Variants in SYT7 observed in about 807,000 individuals in gnomAD.
SYT7 encodes synaptotagmin-7.
Under a neutral mutation model 75.1 loss-of-function variants are expected in SYT7, and 29 were observed. The ratio of observed to expected loss-of-function variants is 0.39; its 90% CI spans 0.29 to 0.53. The LOEUF is 0.53. Among genes scored for constraint, SYT7 ranks in the 20% least tolerant of loss-of-function variants. The pLI, the probability that SYT7 is intolerant of heterozygous loss-of-function variation, is 0.77. For missense variants in SYT7, 693 were observed against 953.2 expected, an observed-to-expected ratio of 0.73 and a Z score of 3.59; for synonymous variants, 376 against 401.7, an observed-to-expected ratio of 0.94 and a Z score of 0.76.
At chr11:61,557,702 G>A (rs953681307) in intron 1 of SYT7, among the ~76,000 whole-genome samples, 2 of 152,122 alleles carry the variant, frequency 1.3e-5, no homozygotes, top group African/African-American at 2.4e-5. Flanking sequence ...TCAACCCCCC[G>A]GAAGCCCCTG....
chr11:61,524,700 C>A lies in SYT7; in HGVS notation c.1472-168G>T. The A allele has an allele frequency of 1.7e-6, 1 of 578,260 alleles. No homozygotes were observed. The highest frequency in any genetic ancestry group is 3.0e-6 in the Non-Finnish European group (1 of 336,976). 35.8% of individuals were successfully genotyped at this position (578,260 alleles called of 1,614,324 possible). A position where few individuals can be genotyped will look rare whatever the true frequency, so the allele number is the denominator to read the frequency against. On this transcript the variant is annotated intron_variant, in intron 9 of 12. Transcript: ENST00000539008. The surrounding 1 kb of genome is among the most constrained non-coding windows in gnomAD (Gnocchi z 4.1). Reference sequence around the variant, plus strand: ...CAATTAGACCTTACTGAAGTGCTAGCAAGAACTGTCACCGTCTCATGGGAT... The same window carrying A: ...CAATTAGACCTTACTGAAGTGCTAGAAAGAACTGTCACCGTCTCATGGGAT...
In SYT7 at chr11:61,551,273, T is replaced by C; in HGVS notation, c.215+111A>G. ...GTGTAGAGAGCATGGCATCGGGGTG[T>C]GGGGGAAGTGAAAGTGTGTGGTCAG... On this transcript the variant is annotated intron_variant, in intron 3 of 12. Coordinates refer to ENST00000539008, the MANE Select transcript of SYT7 (RefSeq NM_001365809.2). This position sits in a 1 kb window ranked among gnomAD's most constrained non-coding sequence, Gnocchi z 5.3. 9.9e-7 allele frequency: 1 copy of C among 1,012,992 alleles called. No individual in the cohort carries two copies. The highest frequency in any genetic ancestry group is 2.4e-5 in the East Asian group (1 of 40,954). 62.8% of individuals were successfully genotyped at this position (1,012,992 alleles called of 1,614,324 possible). A position where few individuals can be genotyped will look rare whatever the true frequency, so the allele number is the denominator to read the frequency against.
intron 12 of SYT7, among the ~76,000 whole-genome samples, chr11:61,520,417 T>C (rs1261727285): frequency 1.3e-5 from 2 of 151,870 alleles, no homozygotes; most frequent in African/African-American, 4.8e-5. Flanking sequence ...TCCCAGCCAC[T>C]TGGGGACTGA....
In SYT7 at chr11:61,546,493, G is replaced by T; in HGVS notation, c.348-238C>A. The T allele has an allele frequency of 1.9e-6, 1 of 534,522 alleles. No individual in the cohort carries two copies. Among genetic ancestry groups the T allele is most frequent in the Non-Finnish European group, 3.4e-6 (1 of 294,984 alleles). 33.1% of individuals were successfully genotyped at this position (534,522 alleles called of 1,614,324 possible). A position where few individuals can be genotyped will look rare whatever the true frequency, so the allele number is the denominator to read the frequency against. On this transcript the variant is annotated intron_variant, in intron 4 of 12. Coordinates refer to ENST00000539008, the MANE Select transcript of SYT7 (RefSeq NM_001365809.2). The surrounding 1 kb of genome is among the most constrained non-coding windows in gnomAD (Gnocchi z 7.6). ...GGTTAACAGCGGAGCCTGCAGAGGA[G>T]AGAGGGGGACCGGGCGGGCTGGGGG... is the stretch of plus-strand genomic sequence containing the variant.
rs2062202398 is a variant in SYT7 at position 61,518,365 on chromosome 11, T to C, written c.*262A>G. ...CTGGCTCTCGAGCTCCCCCAACTTCTTTAGTATTAGTAAGTCAGGAAGAAA... is the reference window on the plus strand; with the variant it reads ...CTGGCTCTCGAGCTCCCCCAACTTCCTTAGTATTAGTAAGTCAGGAAGAAA... On this transcript the variant is annotated 3_prime_UTR_variant, in exon 13 of 13. Coordinates refer to ENST00000539008, the MANE Select transcript of SYT7 (RefSeq NM_001365809.2). The C allele has an allele frequency of 2.8e-6, 1 of 362,512 alleles. No individual in the cohort carries two copies. Among genetic ancestry groups the C allele is most frequent in the East Asian group, 4.0e-5 (1 of 24,814 alleles). 22.5% of individuals were successfully genotyped at this position (362,512 alleles called of 1,614,324 possible).
intron 8 of SYT7, among the ~76,000 whole-genome samples, chr11:61,530,244 G>A (rs2062663784): frequency 6.6e-6 from 1 of 152,288 alleles, no homozygotes; most frequent in South Asian, 2.1e-4. Context: ...CAGATCTACA[G>A]TCTGAGGCTT....
At chr11:61,547,671 T>TTGGGGATGA (rs1430292661) in intron 3 of SYT7, among the ~76,000 whole-genome samples, 1 of 150,320 alleles carries the variant, frequency 6.7e-6, no homozygotes, top group Non-Finnish European at 1.5e-5. Context: ...GGGAGAAGGG[T>TTGGGGATGA]TGGGGATGAG....
rs755024606 is a variant in SYT7 at position 61,523,216 on chromosome 11, C to T, written c.1815G>A (p.Thr605=). Residue 605 remains threonine (T), a synonymous_variant, in exon 12 of 13, where the codon ACG becomes ACA. Coordinates refer to ENST00000539008, the MANE Select transcript of SYT7 (RefSeq NM_001365809.2). The surrounding 1 kb of genome is among the most constrained non-coding windows in gnomAD (Gnocchi z 5.0). The part of the protein sequence containing the change: ...YKDKRVEKKK[T]VTMKRNLNPI... Reference sequence around the variant, plus strand: ...GGTTCAGGTTCCTCTTCATCGTCACCGTCTTCTTCTTCTCCACCCGCTTGT... The same window carrying T: ...GGTTCAGGTTCCTCTTCATCGTCACTGTCTTCTTCTTCTCCACCCGCTTGT... The T allele has an allele frequency of 2.4e-5, 39 of 1,614,048 alleles. No individual in the cohort carries two copies. In the Middle Eastern group the frequency reaches 4.9e-4, roughly 20 times the overall value.
chr11:61,582,213 T>C (rs1454832885), upstream of SYT7, among the ~76,000 whole-genome samples: 3 of 151,980 alleles, frequency 2.0e-5, no homozygotes, highest in Non-Finnish European at 2.9e-5. Flanking sequence ...TACCCTTCAC[T>C]GATGGGTCAG....
In SYT7 at chr11:61,580,978, G is replaced by T; in HGVS notation, c.-158C>A. 1 of 977,966 alleles carries T rather than the reference G, an allele frequency of 1.0e-6. No individual in the cohort carries two copies. Among genetic ancestry groups the T allele is most frequent in the Non-Finnish European group, 1.2e-6 (1 of 824,956 alleles). 60.6% of individuals were successfully genotyped at this position (977,966 alleles called of 1,614,324 possible). On this transcript the variant is annotated 5_prime_UTR_variant, in exon 1 of 13. Coordinates refer to ENST00000539008, the MANE Select transcript of SYT7 (RefSeq NM_001365809.2). The surrounding 1 kb of genome is among the most constrained non-coding windows in gnomAD (Gnocchi z 6.1). ...CACCTAGCCGCGGAGCCGGGGAGCG[G>T]GGGCCGCCCGCCAGCCCTCCCGCCC... is the stretch of plus-strand genomic sequence containing the variant.
At chr11:61,533,307 C>T (rs2062767569) in intron 7 of SYT7, 183 bp from the exon 8 acceptor site, 3 of 985,326 alleles carry the variant, frequency 3.0e-6, no homozygotes, top group Non-Finnish European at 2.4e-6. Context: ...TGCCCGGGGC[C>T]CATTCTCCTT....
At chr11:61,550,929 C>T (rs1393426743) in intron 3 of SYT7, among the ~76,000 whole-genome samples, 1 of 152,180 alleles carries the variant, frequency 6.6e-6, no homozygotes, top group East Asian at 1.9e-4. Flanking sequence ...GTGTGTCTGC[C>T]TCCCCACTTC....
In SYT7 at chr11:61,580,620, G is replaced by A. The variant is rs999367668; in HGVS notation, c.31+170C>T. The stretch of plus-strand genomic sequence containing the variant: ...TCCAGACTGCGGGGGACCGGGGTCC[G>A]AGCCGCTGCCGCTCGATCCCGCGCC... On this transcript the variant is annotated intron_variant, in intron 1 of 12. Coordinates refer to ENST00000539008, the MANE Select transcript of SYT7 (RefSeq NM_001365809.2). The surrounding 1 kb of genome is among the most constrained non-coding windows in gnomAD (Gnocchi z 6.1). 6.6e-6 allele frequency among the ~76,000 whole-genome samples: 1 copy of A among 152,044 alleles called. No individual in the cohort carries two copies. Among genetic ancestry groups the A allele is most frequent in the African/African-American group, 2.4e-5 (1 of 41,418 alleles).
intron 1 of SYT7, among the ~76,000 whole-genome samples, chr11:61,575,032 G>A (rs2064031853): frequency 6.6e-6 from 1 of 151,926 alleles, no homozygotes; most frequent in Admixed American, 6.5e-5. Flanking sequence ...CAACCAGCTA[G>A]GACTAACAGG....
chr11:61,581,654 A>C (rs1164301215), upstream of SYT7, among the ~76,000 whole-genome samples: 1 of 152,240 alleles, frequency 6.6e-6, no homozygotes, highest in Non-Finnish European at 1.5e-5. Context: ...GCTCGCACAC[A>C]GGTGGAGCCG....
chr11:61,569,572 G>A lies in SYT7; in HGVS notation c.31+11218C>T, dbSNP rs561972269. Among the ~76,000 whole-genome samples the A allele has an allele frequency of 7.2e-5, 11 of 152,258 alleles. 1 individual carries two copies. The South Asian group carries it at 2.1e-3, about 29-fold the overall frequency. ...TCGCAGGAAGAAAGGAGGAATCTCA[G>A]GAGCCAGAGAGACAGGAAGGGGTAG... On this transcript the variant is annotated intron_variant, in intron 1 of 12. Coordinates refer to ENST00000539008, the MANE Select transcript of SYT7 (RefSeq NM_001365809.2).
upstream of SYT7, among the ~76,000 whole-genome samples, chr11:61,583,359 A>C (rs1393397572): frequency 6.6e-6 from 1 of 152,244 alleles, no homozygotes; most frequent in Non-Finnish European, 1.5e-5. Context: ...GAGGGAGAGC[A>C]GAATTCCTCA....
chr11:61,533,177 G>T lies in SYT7; in HGVS notation c.1065-53C>A. ...TGGGCTGGGAAGTGAGCTGCGTTGG[G>T]CACCCCGGCCTGGGGGGTGGCAGGA... On this transcript the variant is annotated intron_variant, in intron 7 of 12. Transcript: ENST00000539008. The T allele has an allele frequency of 2.7e-6, 4 of 1,508,510 alleles. No homozygotes were observed. The South Asian group carries it at 3.9e-5, about 15-fold the overall frequency. The allele number at this position is 1,508,510 out of a possible 1,614,324, so 93.4% of individuals were successfully genotyped here. A position where few individuals can be genotyped will look rare whatever the true frequency, so the allele number is the denominator to read the frequency against.
intron 2 of SYT7, among the ~76,000 whole-genome samples, chr11:61,552,099 C>G (rs574579949): frequency 1.3e-5 from 2 of 152,052 alleles, no homozygotes; most frequent in Non-Finnish European, 2.9e-5. Context: ...GGGCCCCTGC[C>G]CCCCAGAGTC....
Sources: gnomAD v4.1 joint callset for allele counts (sites outside exome capture counted in the v4.1 genomes callset) on GRCh38, gnomAD v4.1.1 for gene constraint, Gnocchi (gnomAD v3.1) non-coding constraint, MANE v1.5 for transcripts, NCBI Gene and HGNC (gene_info 2026-07-23, HGNC 2026-07-21) for gene names.